The following CCDC91 variants were observed in gnomAD, a reference collection of about 807,000 sequenced individuals.
The protein encoded by CCDC91 is coiled-coil domain-containing protein 91.
Under a neutral mutation model 63.2 loss-of-function variants are expected in CCDC91, and 48 were observed. The ratio of observed to expected loss-of-function variants is 0.76; its 90% CI spans 0.60 to 0.97. The LOEUF is 0.97. Among genes scored for constraint, CCDC91 ranks in the 50% least tolerant of loss-of-function variants. The pLI is 0.00. For synonymous variants in CCDC91, 167 were observed against 165.8 expected (o/e 1.01, Z -0.06); for missense variants, 500 against 494.6 (o/e 1.01, Z -0.10).
At chr12:28,333,700 T>A (rs952920919) in intron 6 of CCDC91, among the ~76,000 whole-genome samples, 2 of 152,166 alleles carry the variant, frequency 1.3e-5, no homozygotes, top group African/African-American at 4.8e-5. Context: ...GAAAATCTAT[T>A]CTTGATTACC....
intron 3 of CCDC91, among the ~76,000 whole-genome samples, chr12:28,275,121 G>A (rs931849105): frequency 6.6e-6 from 1 of 152,110 alleles, no homozygotes; most frequent in Non-Finnish European, 1.5e-5. Context: ...ACTAAGATCA[G>A]AGCAGAATTG....
chr12:28,433,983 C>A (rs938325381), intron 8 of CCDC91, among the ~76,000 whole-genome samples: 19 of 151,700 alleles, frequency 1.3e-4, no homozygotes, highest in Non-Finnish European at 2.5e-4. Context: ...TTTTTAATTT[C>A]AAATTCCACT....
rs529277533 is a variant in CCDC91 at position 28,522,393 on chromosome 12, G to T, written c.1216-26670G>T. 6.3e-4 allele frequency among the ~76,000 whole-genome samples: 96 copies of T among 152,236 alleles called. 1 individual carries two copies. The highest frequency in any genetic ancestry group is 2.1e-3 in the African/African-American group (89 of 41,548). On this transcript the variant is annotated intron_variant, in intron 12 of 12. Transcript: ENST00000536442. ...TTATAGTATTCTCTGATGGTAGTTTGTATTTCTGTGGGATCGGTGGTGATA... is the reference window on the plus strand; with the variant it reads ...TTATAGTATTCTCTGATGGTAGTTTTTATTTCTGTGGGATCGGTGGTGATA...
chr12:28,509,685 T>C (rs1592900540), intron 12 of CCDC91, among the ~76,000 whole-genome samples: 1 of 151,924 alleles, frequency 6.6e-6, no homozygotes, highest in Admixed American at 6.6e-5. Context: ...TTAAAAGATA[T>C]GTGTGATAGC....
At chr12:28,494,760 G>T (rs1804074042) in intron 12 of CCDC91, among the ~76,000 whole-genome samples, 1 of 151,698 alleles carries the variant, frequency 6.6e-6, no homozygotes, top group African/African-American at 2.4e-5. Context: ...TGTGTATTGA[G>T]ATACAGGGAA....
chr12:28,323,700 T>A (rs1358916695), intron 6 of CCDC91, among the ~76,000 whole-genome samples: 1 of 151,956 alleles, frequency 6.6e-6, no homozygotes, highest in Non-Finnish European at 1.5e-5. Context: ...AAATTGACAT[T>A]ATTCTCTATT....
rs549193011 is a variant in CCDC91 at position 28,549,065 on chromosome 12, C to T, written c.1218C>T (p.Leu406=). ...CTCTCTTTAAAAAAATTAAACAGCT[C>T]GATCAAGTCATCCGCCAAAGAAGCC... ...LIEYIKEQKR[L]DQVIRQRSLS... The change falls in exon 13 of 13, where the codon CTC becomes CTT. Residue 406 remains leucine, a splice_region_variant and synonymous_variant. Transcript: ENST00000536442. 39 of 1,602,740 alleles carry T rather than the reference C, an allele frequency of 2.4e-5. No individual in the cohort carries two copies. Among genetic ancestry groups the T allele is most frequent in the Middle Eastern group, 1.7e-4 (1 of 6,018 alleles).
At chr12:28,322,604 T>G (rs1940620752) in intron 6 of CCDC91, among the ~76,000 whole-genome samples, 1 of 151,834 alleles carries the variant, frequency 6.6e-6, no homozygotes, top group Non-Finnish European at 1.5e-5. Flanking sequence ...GCTTCCTTAT[T>G]TTTTTCTCTG....
intron 8 of CCDC91, among the ~76,000 whole-genome samples, chr12:28,398,497 A>G (rs1946423130): frequency 6.6e-6 from 1 of 152,116 alleles, no homozygotes; most frequent in Non-Finnish European, 1.5e-5. Flanking sequence ...CTGTGTGGGG[A>G]TATATATGTT....
chr12:28,212,907 G>C (rs1316973098), intron 1 of CCDC91, among the ~76,000 whole-genome samples: 6 of 152,188 alleles, frequency 3.9e-5, no homozygotes, highest in Non-Finnish European at 7.3e-5. Flanking sequence ...GGGGATACAG[G>C]AGTAAGTGCC....
chr12:28,517,996 A>G (rs1179563336), intron 12 of CCDC91, among the ~76,000 whole-genome samples: 11 of 151,986 alleles, frequency 7.2e-5, no homozygotes, highest in East Asian at 1.9e-4. Context: ...GTAGTATTCT[A>G]TCGTGTATGT....
At chr12:28,409,164 TG>T (rs1947157225) in intron 8 of CCDC91, among the ~76,000 whole-genome samples, 1 of 152,244 alleles carries the variant, frequency 6.6e-6, no homozygotes, top group Non-Finnish European at 1.5e-5. Context: ...TTTTGCCTTT[TG>T]CTTGATCATA....
intron 6 of CCDC91, among the ~76,000 whole-genome samples, chr12:28,317,018 TTCTTA>T (rs1939962616): frequency 6.6e-6 from 1 of 151,748 alleles, no homozygotes; most frequent in Admixed American, 6.6e-5. Flanking sequence ...TCAGCTACTG[TTCTTA>T]TCTTGGCATG....
At chr12:28,330,086 G>T (rs750775546) in intron 6 of CCDC91, among the ~76,000 whole-genome samples, 7 of 152,148 alleles carry the variant, frequency 4.6e-5, no homozygotes, top group Non-Finnish European at 7.4e-5. Flanking sequence ...ACGTGTGCCT[G>T]TGTCTTTATA....
At chr12:28,502,422 GA>G (rs1327832787) in intron 12 of CCDC91, among the ~76,000 whole-genome samples, 1 of 151,770 alleles carries the variant, frequency 6.6e-6, no homozygotes, top group Non-Finnish European at 1.5e-5. Flanking sequence ...ACTGCTCAAT[GA>G]AATAAAAGAG....
intron 8 of CCDC91, among the ~76,000 whole-genome samples, chr12:28,424,793 G>T (rs188220483): frequency 2.2e-4 from 34 of 152,122 alleles, no homozygotes; most frequent in Middle Eastern, 3.4e-3. Flanking sequence ...CTTGTGGTTT[G>T]TACTGTTTTC....
chr12:28,322,051 T>TCTA (rs1940559190), intron 6 of CCDC91, among the ~76,000 whole-genome samples: 2 of 151,822 alleles, frequency 1.3e-5, no homozygotes, highest in Non-Finnish European at 2.9e-5. Context: ...TAGAAATGTT[T>TCTA]ATTTTCTTTA....
At chr12:28,284,936 A>T (rs1013953713) in intron 3 of CCDC91, among the ~76,000 whole-genome samples, 1 of 152,212 alleles carries the variant, frequency 6.6e-6, no homozygotes, top group African/African-American at 2.4e-5. Context: ...TATGTGAAAC[A>T]TAACTCTCTT....
chr12:28,233,190 A>G (rs1480076712), intron 1 of CCDC91, among the ~76,000 whole-genome samples: 1 of 152,046 alleles, frequency 6.6e-6, no homozygotes, highest in Non-Finnish European at 1.5e-5. Context: ...CAAGATACAA[A>G]CATTTCGATC....
Sources: gnomAD v4.1 joint callset for allele counts (sites outside exome capture counted in the v4.1 genomes callset) on GRCh38, gnomAD v4.1.1 for gene constraint, MANE v1.5 for transcripts, NCBI Gene and HGNC (gene_info 2026-07-23, HGNC 2026-07-21) for gene names.